OTOF: variants seen among roughly 807,000 people sequenced by gnomAD.
The protein encoded by OTOF is fer-1-like family member 2.
A neutral mutation model predicts 236.8 loss-of-function variants in OTOF; 218 were observed. The observed-to-expected ratio is 0.92, with a 90% CI of 0.82 to 1.03. OTOF has a LOEUF of 1.03. OTOF is among the 50% of genes least tolerant of loss of function. The pLI is 0.00. For synonymous variants in OTOF, 1,041 were observed against 1,072.5 expected, an observed-to-expected ratio of 0.97 and a Z score of 0.57; for missense variants, 2,590 against 2,694.4, an observed-to-expected ratio of 0.96 and a Z score of 0.86.
In OTOF at chr2:26,464,869, C is replaced by G; in HGVS notation, c.4960G>C (p.Gly1654Arg). 1.2e-6 allele frequency: 2 copies of G among 1,602,648 alleles called. No individual in the cohort carries two copies. The highest frequency in any genetic ancestry group is 1.7e-6 in the Non-Finnish European group (2 of 1,174,192). Residue 1654 changes from glycine to arginine, a missense_variant and splice_region_variant, in exon 39 of 47, where the codon GGT becomes CGT. Transcript: ENST00000272371. The stretch of plus-strand genomic sequence containing the variant: ...GCGGCTGCATCCAGTGCCCCATTAC[C>G]GTTCTCGTCCTCAATCTCAGAGGGC... ...TGPSEIEDEN[G>R]QRKPTDEHVA...
At chr2:26,490,087 T>C (rs916724986) in intron 9 of OTOF, among the ~76,000 whole-genome samples, 2 of 152,168 alleles carry the variant, frequency 1.3e-5, no homozygotes, top group African/African-American at 4.8e-5. Flanking sequence ...CTCTGCACCT[T>C]CTTAACTGTG....
chr2:26,472,353 A>T (rs898461884), intron 30 of OTOF, 166 bp downstream of exon 30: 3 of 811,648 alleles, frequency 3.7e-6, no homozygotes, highest in Non-Finnish European at 4.3e-6. Flanking sequence ...GGATAGTATT[A>T]GGAGGGAGCT....
Position 26,466,730 on chromosome 2 carries a change from C to T in OTOF, c.4484G>A (p.Arg1495Gln), listed in dbSNP as rs201067193. ...GAGTCTCACCCGGACCACATAGACTCGGACCAGCACATTGATGGGGTCATT... is the reference window on the plus strand; with the variant it reads ...GAGTCTCACCCGGACCACATAGACTTGGACCAGCACATTGATGGGGTCATT... Reference protein sequence around the residue: ...PSNDPINVLVRVYVVRATDLH... With the variant: ...PSNDPINVLVQVYVVRATDLH... Residue 1495 changes from arginine (R) to glutamine (Q), a missense_variant, in exon 36 of 47, where the codon CGA (arginine) becomes CAA (glutamine). By Grantham distance (43) the Arg-to-Gln change is conservative. Coordinates refer to ENST00000272371, the MANE Select transcript of OTOF (RefSeq NM_194248.3). The T allele has an allele frequency of 3.2e-5, 52 of 1,614,240 alleles. No individual in the cohort carries two copies. The Admixed American group carries it at 3.3e-4, about 10-fold the overall frequency.
rs200001730 is a variant in OTOF at position 26,462,145 on chromosome 2, C to T, written c.5229G>A (p.Glu1743=). The T allele has an allele frequency of 4.3e-6, 7 of 1,614,058 alleles. No individual in the cohort carries two copies. Among genetic ancestry groups the T allele is most frequent in the Middle Eastern group, 1.6e-4 (1 of 6,062 alleles). The part of the protein sequence containing the change: ...ELRVIIWNTD[E]VVLEDDDFFT... Reference sequence around the variant, plus strand: ...AGAAGTCGTCGTCCTCCAAGACCACCTCATCTGTGTTCCAGATGATGACCC... The same window carrying T: ...AGAAGTCGTCGTCCTCCAAGACCACTTCATCTGTGTTCCAGATGATGACCC... Residue 1743 remains glutamate (E), a synonymous_variant, in exon 42 of 47, where the codon GAG becomes GAA. Transcript: ENST00000272371. This position sits in a 1 kb window ranked among gnomAD's most constrained non-coding sequence, Gnocchi z 4.7.
intron 5 of OTOF, among the ~76,000 whole-genome samples, chr2:26,513,699 C>T (rs1324577736): frequency 6.6e-6 from 1 of 152,194 alleles, no homozygotes; most frequent in African/African-American, 2.4e-5. Flanking sequence ...AGGGGATTGG[C>T]CTTCCCAGGA....
At position 26,558,681 on chromosome 2, in the gene OTOF, TCCC is replaced by T; in HGVS notation, c.-113_-111del. On this transcript the variant is annotated 5_prime_UTR_variant, in exon 1 of 47. Transcript: ENST00000272371. ...CTCTGCCGCTGCCTCCTCCTCCTCC[TCCC>T]GACCCCCCTCCGATGCTGCCCACAG... The T allele has an allele frequency of 3.3e-6, 3 of 918,376 alleles. No individual in the cohort carries two copies. The African/African-American group carries it at 4.9e-5, about 15-fold the overall frequency. 56.9% of individuals were successfully genotyped at this position (918,376 alleles called of 1,614,324 possible).
At chr2:26,515,198 A>G (rs1572467668) in intron 5 of OTOF, among the ~76,000 whole-genome samples, 1 of 152,222 alleles carries the variant, frequency 6.6e-6, no homozygotes, top group East Asian at 1.9e-4. Flanking sequence ...CAAGGGTCAC[A>G]CGACTAGTAA....
rs727504716 is a variant in OTOF, at chr2:26,483,633, G to A, written c.1221C>T (p.Pro407=). The change falls in exon 13 of 47, where the codon CCC becomes CCT. Residue 407 remains proline (P), a synonymous_variant. Transcript: ENST00000272371. ...ACTGGCGTTCGGGGGGCACCCCCTC[G>A]GGGAGCAGCAAGTTCCTGCCAGCAC... ...EDDIEGNLLL[P]EGVPPERQWA... 18 of 1,612,214 alleles carry A rather than the reference G, an allele frequency of 1.1e-5. No homozygotes were observed. In the Admixed American group the frequency reaches 2.3e-4, roughly 21 times the overall value.
rs562835727 is a variant in OTOF, at chr2:26,478,022, G to C, written c.2215-273C>G. On this transcript the variant is annotated intron_variant, in intron 18 of 46. Transcript: ENST00000272371. ...AGTCTGTGGCTCTGGTGAGCTCACA[G>C]GGCCTGGGCAGAACTCACGGCTACG... 1.3e-5 allele frequency: 19 copies of C among 1,444,418 alleles called. No individual in the cohort carries two copies. In the African/African-American group the frequency reaches 2.4e-4, roughly 19 times the overall value. The allele number at this position is 1,444,418 out of a possible 1,614,324, so 89.5% of individuals were successfully genotyped here.
At position 26,503,742 on chromosome 2, in the gene OTOF, G is replaced by A. The variant is rs1451480571; in HGVS notation, c.583+30C>T. 2.5e-6 allele frequency: 4 copies of A among 1,596,494 alleles called. No individual in the cohort carries two copies. The Admixed American group carries it at 5.0e-5, about 20-fold the overall frequency. On this transcript the variant is annotated intron_variant, in intron 6 of 46. Coordinates refer to ENST00000272371, the MANE Select transcript of OTOF (RefSeq NM_194248.3). ...GCGGGAGGGCGCCGCGAGGCGCGGG[G>A]CTGCGGGGCTCACGCGGCACCTGTC... is the stretch of plus-strand genomic sequence containing the variant.
intron 9 of OTOF, among the ~76,000 whole-genome samples, 154 bp downstream of exon 9, chr2:26,494,788 T>C (rs1271300824): frequency 6.6e-6 from 1 of 152,148 alleles, no homozygotes; most frequent in East Asian, 1.9e-4. Flanking sequence ...TGGCTCTGTT[T>C]GTCAGTGTCC....
chr2:26,515,708 C>T (rs1666506700), intron 5 of OTOF, among the ~76,000 whole-genome samples: 1 of 152,154 alleles, frequency 6.6e-6, no homozygotes, highest in Non-Finnish European at 1.5e-5. Flanking sequence ...TGGCATTTAA[C>T]ACATAATTCC....
Position 26,461,922 on chromosome 2 carries a change from C to T in OTOF, c.5307G>A (p.Gln1769=). The change falls in exon 43 of 47, where the codon CAG becomes CAA. Residue 1769 remains glutamine, a synonymous_variant. Transcript: ENST00000272371. This position sits in a 1 kb window ranked among gnomAD's most constrained non-coding sequence, Gnocchi z 6.2. ...CGTCTGTGTCCTGCTTGTCCTCCTG[C>T]TGGCCCTTCAGCCACCTGTGGGCGC... The part of the protein sequence containing the change: ...DIFVRGWLKG[Q]QEDKQDTDVH... 1 of 1,614,136 alleles carries T rather than the reference C, an allele frequency of 6.2e-7. No homozygotes were observed. The highest frequency in any genetic ancestry group is 8.5e-7 in the Non-Finnish European group (1 of 1,180,028).
intron 15 of OTOF, among the ~76,000 whole-genome samples, 181 bp from the exon 16 acceptor site, chr2:26,480,492 G>C (rs1665506815): frequency 6.6e-6 from 1 of 152,236 alleles, no homozygotes. Context: ...TGGAAGCAGG[G>C]CTGGCTGCAG....
intron 9 of OTOF, among the ~76,000 whole-genome samples, chr2:26,492,478 T>C (rs1191746309): frequency 6.6e-6 from 1 of 152,174 alleles, no homozygotes; most frequent in African/African-American, 2.4e-5. Context: ...TAGTCAGTCT[T>C]AGAGGAAGTA....
intron 1 of OTOF, among the ~76,000 whole-genome samples, chr2:26,551,327 C>A (rs1667458054): frequency 6.6e-6 from 1 of 152,196 alleles, no homozygotes; most frequent in Non-Finnish European, 1.5e-5. Flanking sequence ...GAGCTGCGAC[C>A]CTTCAAGGGC....
At chr2:26,534,110 A>G (rs1239413159) in intron 2 of OTOF, among the ~76,000 whole-genome samples, 1 of 152,130 alleles carries the variant, frequency 6.6e-6, no homozygotes, top group East Asian at 1.9e-4. Context: ...TCGGGTTTAA[A>G]TCCTGTTGTG....
intron 2 of OTOF, 24 bp downstream of exon 2, chr2:26,537,692 A>G: frequency 1.3e-6 from 2 of 1,540,026 alleles, no homozygotes; most frequent in Non-Finnish European, 1.8e-6. Context: ...GGGCTGAGGG[A>G]GGGGGGAGTC....
chr2:26,464,120 C>T lies in OTOF; in HGVS notation c.4961-14G>A, dbSNP rs763615710. 19 of 1,612,818 alleles carry T rather than the reference C, an allele frequency of 1.2e-5. No homozygotes were observed. The highest frequency in any genetic ancestry group is 1.6e-4 in the Middle Eastern group (1 of 6,068). ...GCTTCCTCTGACCTGTGGGTGCCGG[C>T]GGCTCAGCTGCACACATGGCTCAGC... On this transcript the variant is annotated splice_polypyrimidine_tract_variant and intron_variant, in intron 39 of 46. Coordinates refer to ENST00000272371, the MANE Select transcript of OTOF (RefSeq NM_194248.3).
Sources: allele counts gnomAD v4.1 joint callset (sites outside exome capture counted in the v4.1 genomes callset), GRCh38; gene constraint gnomAD v4.1.1; non-coding constraint Gnocchi (gnomAD v3.1); transcripts MANE v1.5; gene names NCBI Gene and HGNC (gene_info 2026-07-23, HGNC 2026-07-21).